The following DLGAP4 variants were observed in gnomAD, a reference collection of about 807,000 sequenced individuals.
DLGAP4 encodes DLG associated protein 4.
A neutral mutation model predicts 86.9 loss-of-function variants in DLGAP4; 18 were observed. That is an observed-to-expected ratio of 0.21 (90% CI 0.14 to 0.31). DLGAP4 has a LOEUF of 0.31. Ranked by LOEUF, DLGAP4 falls within the 10% of genes least tolerant of loss-of-function variation. The pLI, the probability that DLGAP4 is intolerant of heterozygous loss-of-function variation, is 1.00. For synonymous variants in DLGAP4, 548 were observed against 574.3 expected (o/e 0.95, Z 0.65); for missense variants, 1,085 against 1,362.6 (o/e 0.80, Z 3.21).
intron 1 of DLGAP4, among the ~76,000 whole-genome samples, chr20:36,332,580 G>A (rs1320568065): frequency 6.6e-6 from 1 of 152,068 alleles, no homozygotes; most frequent in African/African-American, 2.4e-5. Context: ...AGTAGAGACA[G>A]GGTTTTGCCA....
chr20:36,396,476 TC>T (rs2042144336), intron 2 of DLGAP4, among the ~76,000 whole-genome samples: 55 of 9,838 alleles, frequency 5.6e-3, no homozygotes, highest in Admixed American at 0.027. Context: ...CACATACACA[TC>T]ACACACACCA....
chr20:36,436,907 G>A (rs949124067), intron 4 of DLGAP4, among the ~76,000 whole-genome samples: 1 of 151,284 alleles, frequency 6.6e-6, no homozygotes, highest in Non-Finnish European at 1.5e-5. Flanking sequence ...GGTGAGTCCC[G>A]CCCACTTGTG....
intron 7 of DLGAP4, among the ~76,000 whole-genome samples, chr20:36,448,169 T>C (rs1600543926): frequency 1.3e-5 from 2 of 151,834 alleles, no homozygotes; most frequent in South Asian, 2.1e-4. Flanking sequence ...CTGGGCAACA[T>C]GATGAAACCC....
At chr20:36,497,234 C>G in intron 8 of DLGAP4, 168 bp downstream of exon 8, 3 of 985,420 alleles carry the variant, frequency 3.0e-6, no homozygotes, top group South Asian at 4.7e-5. Flanking sequence ...ATAGCCACGC[C>G]TCGCTGGTAT....
chr20:36,493,805 G>A (rs1170720835), intron 7 of DLGAP4, among the ~76,000 whole-genome samples: 1 of 152,226 alleles, frequency 6.6e-6, no homozygotes, highest in Non-Finnish European at 1.5e-5. Context: ...TGCCCCACCT[G>A]CAAAGTGGGC....
At chr20:36,493,539 C>G (rs922973506) in intron 7 of DLGAP4, among the ~76,000 whole-genome samples, 2 of 152,234 alleles carry the variant, frequency 1.3e-5, no homozygotes, top group Non-Finnish European at 2.9e-5. Context: ...CTGCCTCCGT[C>G]GAGGCCCTTT....
At position 36,526,024 on chromosome 20, in the gene DLGAP4, C is replaced by T. The variant is rs1366612773; in HGVS notation, c.2760+18C>T. ...AGAGGAAGGTGAGCATGGAGCAGTG[C>T]GGAGGGGAAGTCCAGGGACAAATTC... is the stretch of plus-strand genomic sequence containing the variant. On this transcript the variant is annotated intron_variant, in intron 12 of 12. Coordinates refer to ENST00000339266, the MANE Select transcript of DLGAP4 (RefSeq NM_001365621.2). 6.2e-6 allele frequency: 10 copies of T among 1,613,524 alleles called. No homozygotes were observed. The highest frequency in any genetic ancestry group is 2.2e-5 in the South Asian group (2 of 91,054).
chr20:36,337,963 G>A (rs1555892220), intron 1 of DLGAP4, among the ~76,000 whole-genome samples: 2 of 152,184 alleles, frequency 1.3e-5, no homozygotes. Context: ...TGAGGAAGCC[G>A]AGGCCCCAAG....
intron 2 of DLGAP4, among the ~76,000 whole-genome samples, chr20:36,387,980 T>A (rs1600469016): frequency 6.6e-6 from 1 of 152,206 alleles, no homozygotes; most frequent in Non-Finnish European, 1.5e-5. Context: ...CTGCTCATTA[T>A]AAGTTCTTGA....
chr20:36,448,042 CAAA>C lies in DLGAP4; in HGVS notation c.1648+1118_1648+1120del, dbSNP rs59129162. Among the ~76,000 whole-genome samples, 1,107 of 139,068 alleles carry C rather than the reference CAAA, an allele frequency of 8.0e-3. 14 individuals are homozygous for C. The highest frequency in any genetic ancestry group is 0.027 in the African/African-American group (1,016 of 38,062). The allele number at this position is 139,068 out of a possible 152,430, so 91.2% of individuals were successfully genotyped here. ...CCTTATTAAGTATTATTAAGATGGTCAAAAAAAAAAAAAAAGACGTAATAGAAA... is the reference window on the plus strand; with the variant it reads ...CCTTATTAAGTATTATTAAGATGGTCAAAAAAAAAAAAGACGTAATAGAAA... On this transcript the variant is annotated intron_variant, in intron 7 of 12. Transcript: ENST00000339266.
intron 10 of DLGAP4, among the ~76,000 whole-genome samples, chr20:36,523,677 A>G (rs2037520539): frequency 6.6e-6 from 1 of 151,926 alleles, no homozygotes; most frequent in Non-Finnish European, 1.5e-5. Context: ...CAGATTTTTT[A>G]TTTTGAGACT....
At chr20:36,455,079 T>C (rs2033844846) in intron 7 of DLGAP4, among the ~76,000 whole-genome samples, 1 of 152,126 alleles carries the variant, frequency 6.6e-6, no homozygotes, top group Non-Finnish European at 1.5e-5. Context: ...CTCCCCAGTC[T>C]GCCCCCTCCT....
chr20:36,368,160 G>A (rs2030767212), intron 2 of DLGAP4, among the ~76,000 whole-genome samples: 1 of 152,232 alleles, frequency 6.6e-6, no homozygotes, highest in Non-Finnish European at 1.5e-5. Context: ...GGGGAGAGAA[G>A]AAGGGAAACC....
intron 7 of DLGAP4, among the ~76,000 whole-genome samples, chr20:36,460,245 C>T (rs547706498): frequency 2.6e-5 from 4 of 152,262 alleles, no homozygotes; most frequent in African/African-American, 7.2e-5. Flanking sequence ...GTGGGAGGAT[C>T]GCTTGAGCCC....
At chr20:36,374,032 CAA>C (rs11472489) in intron 2 of DLGAP4, among the ~76,000 whole-genome samples, 12 of 115,670 alleles carry the variant, frequency 1.0e-4, no homozygotes, top group East Asian at 2.4e-4. Flanking sequence ...GAGACTGTCT[CAA>C]AAAAAAAAAA....
At chr20:36,403,149 A>G (rs2032212659) in intron 2 of DLGAP4, among the ~76,000 whole-genome samples, 1 of 152,236 alleles carries the variant, frequency 6.6e-6, no homozygotes, top group African/African-American at 2.4e-5. Flanking sequence ...TATAATGAAC[A>G]GAAATGAATT....
In DLGAP4 at chr20:36,439,702, CTGGGTGAACAA is replaced by C. The variant is rs963679913; in HGVS notation, c.1242-45_1242-35del. On this transcript the variant is annotated intron_variant, in intron 4 of 12. Transcript: ENST00000339266. ...CACAGATGGTCAAGGCCTCCAAAAG[CTGGGTGAACAA>C]TGGGTGGGCTGAGCCCTGTCTGCTC... 4.1e-5 allele frequency: 63 copies of C among 1,527,560 alleles called. No individual in the cohort carries two copies. In the Admixed American group the frequency reaches 1.1e-3, roughly 27 times the overall value. The allele number at this position is 1,527,560 out of a possible 1,614,324, so 94.6% of individuals were successfully genotyped here.
chr20:36,425,751 G>T (rs1442969854), intron 2 of DLGAP4, among the ~76,000 whole-genome samples: 2 of 152,136 alleles, frequency 1.3e-5, no homozygotes, highest in Non-Finnish European at 2.9e-5. Flanking sequence ...AACCCAGGAG[G>T]CGGAGGTTGC....
At chr20:36,513,554 CAAAAA>C (rs562398294) in intron 10 of DLGAP4, among the ~76,000 whole-genome samples, 2 of 40,558 alleles carry the variant, frequency 4.9e-5, no homozygotes, top group Admixed American at 2.6e-4. Context: ...GACTCCGTCT[CAAAAA>C]AAAAAAAAAA....
Sources: allele counts gnomAD v4.1 joint callset (sites outside exome capture counted in the v4.1 genomes callset), GRCh38; gene constraint gnomAD v4.1.1; transcripts MANE v1.5; gene names NCBI Gene and HGNC (gene_info 2026-07-23, HGNC 2026-07-21).